CNTNAP2: variants seen among roughly 807,000 people sequenced by gnomAD.
CNTNAP2 encodes the protein contactin associated protein 2.
CNTNAP2 carries 98 observed loss-of-function variants against 155.2 expected under a neutral mutation model. The ratio of observed to expected loss-of-function variants is 0.63; its 90% CI spans 0.54 to 0.75. The LOEUF (loss-of-function observed/expected upper bound fraction) is 0.75, where lower values mean the gene tolerates loss of function less well. Ranked by LOEUF, CNTNAP2 falls within the 30% of genes least tolerant of loss-of-function variation. The probability of loss-of-function intolerance (pLI) is 0.00; values close to 1 mark genes in which losing one functional copy is unlikely to be tolerated. For missense variants in CNTNAP2, 1,727 were observed against 1,688.1 expected (o/e 1.02, Z -0.40); for synonymous variants, 651 against 631.2 (o/e 1.03, Z -0.47).
At chr7:148,032,992 C>T (rs1802508064) in intron 15 of CNTNAP2, among the ~76,000 whole-genome samples, 1 of 152,168 alleles carries the variant, frequency 6.6e-6, no homozygotes, top group African/African-American at 2.4e-5. Flanking sequence ...TCCACGCAGA[C>T]AGAGTGACTG....
At chr7:147,700,149 G>A (rs1182065205) in intron 13 of CNTNAP2, among the ~76,000 whole-genome samples, 1 of 152,132 alleles carries the variant, frequency 6.6e-6, no homozygotes, top group African/African-American at 2.4e-5. Context: ...TTTTCCCTTC[G>A]AAGGCTTTTT....
intron 10 of CNTNAP2, among the ~76,000 whole-genome samples, chr7:147,466,957 T>G (rs1798131119): frequency 6.6e-6 from 1 of 152,184 alleles, no homozygotes; most frequent in African/African-American, 2.4e-5. Context: ...ATTACACACT[T>G]CTGCCTTGGG....
At chr7:147,916,719 A>G (rs1480750844) in intron 14 of CNTNAP2, among the ~76,000 whole-genome samples, 7 of 147,958 alleles carry the variant, frequency 4.7e-5, no homozygotes, top group Admixed American at 4.6e-4. Flanking sequence ...TCAATCATGG[A>G]AAAAAAAAGA....
chr7:147,433,809 C>A (rs951319903), intron 10 of CNTNAP2, among the ~76,000 whole-genome samples: 1 of 152,082 alleles, frequency 6.6e-6, no homozygotes, highest in Admixed American at 6.5e-5. Context: ...ATATCAAAAT[C>A]GAAAAGGAAC....
chr7:146,677,676 T>C (rs1249034943), intron 1 of CNTNAP2, among the ~76,000 whole-genome samples: 3 of 136,058 alleles, frequency 2.2e-5, no homozygotes, highest in Admixed American at 1.5e-4. Flanking sequence ...AGTGAGAACA[T>C]GCTATAGTTG....
chr7:146,344,280 A>T (rs1232455077), intron 1 of CNTNAP2, among the ~76,000 whole-genome samples: 1 of 152,202 alleles, frequency 6.6e-6, no homozygotes, highest in Admixed American at 6.5e-5. Flanking sequence ...TATATTTACC[A>T]AGGTAAATTA....
Position 148,321,104 on chromosome 7 carries a change from T to C in CNTNAP2, c.3475+53978T>C, listed in dbSNP as rs891739079. Among the ~76,000 whole-genome samples the C allele has an allele frequency of 2.0e-5, 3 of 152,188 alleles. No individual in the cohort carries two copies. In the East Asian group the frequency reaches 5.8e-4, roughly 29 times the overall value. On this transcript the variant is annotated intron_variant, in intron 21 of 23. Transcript: ENST00000361727. ...CCCAAGTAGCAAGTGTGGCTATAGATGGTACACGTGAAGGAGAGTAGTGGG... is the reference window on the plus strand; with the variant it reads ...CCCAAGTAGCAAGTGTGGCTATAGACGGTACACGTGAAGGAGAGTAGTGGG...
intron 1 of CNTNAP2, among the ~76,000 whole-genome samples, chr7:146,479,253 T>C (rs559211835): frequency 9.8e-5 from 15 of 152,286 alleles, no homozygotes; most frequent in African/African-American, 3.1e-4. Flanking sequence ...ACTATTACCA[T>C]GGCAACAGAC....
chr7:146,907,129 C>T (rs1007662189), intron 3 of CNTNAP2, among the ~76,000 whole-genome samples: 24 of 151,946 alleles, frequency 1.6e-4, no homozygotes, highest in Non-Finnish European at 3.4e-4. Context: ...ATGAGCAAAG[C>T]CTCCAAGAAA....
intron 21 of CNTNAP2, among the ~76,000 whole-genome samples, chr7:148,295,590 C>T (rs1797266287): frequency 1.4e-5 from 2 of 139,204 alleles, no homozygotes; most frequent in South Asian, 2.4e-4. Flanking sequence ...CTCCCGGGTT[C>T]ACCCCATTCT....
chr7:148,233,529 C>A lies in CNTNAP2; in HGVS notation c.3381+3750C>A, dbSNP rs74397091. 3.4e-3 allele frequency among the ~76,000 whole-genome samples: 522 copies of A among 152,246 alleles called. 2 individuals carry two copies. The highest frequency in any genetic ancestry group is 6.0e-3 in the South Asian group (29 of 4,810). On this transcript the variant is annotated intron_variant, in intron 20 of 23. Coordinates refer to ENST00000361727, the MANE Select transcript of CNTNAP2 (RefSeq NM_014141.6). ...AAGCCAGTTCCTCTTGAGAATTGAA[C>A]CTTTTGTTATTATATCATTTTTATT...
chr7:147,011,826 G>C (rs1293110535), intron 3 of CNTNAP2, among the ~76,000 whole-genome samples: 1 of 152,198 alleles, frequency 6.6e-6, no homozygotes, highest in Non-Finnish European at 1.5e-5. Flanking sequence ...TTTGATGGCA[G>C]CCATTCCAGA....
chr7:147,698,865 T>C (rs1796196461), intron 13 of CNTNAP2, among the ~76,000 whole-genome samples: 1 of 151,950 alleles, frequency 6.6e-6, no homozygotes, highest in Admixed American at 6.6e-5. Flanking sequence ...TTGAATAATA[T>C]CAGAAATACT....
At chr7:147,785,968 G>C (rs1042784871) in intron 13 of CNTNAP2, among the ~76,000 whole-genome samples, 1 of 151,928 alleles carries the variant, frequency 6.6e-6, no homozygotes, top group Non-Finnish European at 1.5e-5. Flanking sequence ...CTCCACCCTT[G>C]GTGATAGAGT....
intron 18 of CNTNAP2, among the ~76,000 whole-genome samples, chr7:148,186,234 G>T (rs1795112273): frequency 6.6e-6 from 1 of 152,208 alleles, no homozygotes. Context: ...TTCCTGTTAT[G>T]CCAGGCACTG....
intron 1 of CNTNAP2, among the ~76,000 whole-genome samples, chr7:146,520,170 C>T (rs1005897268): frequency 6.6e-6 from 1 of 150,850 alleles, no homozygotes; most frequent in Non-Finnish European, 1.5e-5. Flanking sequence ...AAGATATATC[C>T]TAACTAATTA....
At chr7:147,033,546 A>G (rs1799085999) in intron 3 of CNTNAP2, among the ~76,000 whole-genome samples, 1 of 152,032 alleles carries the variant, frequency 6.6e-6, no homozygotes. Context: ...TTAACTACCA[A>G]TGGTAATAGA....
chr7:147,498,110 T>TATA lies in CNTNAP2; in HGVS notation c.1777+12069_1777+12070insATA, dbSNP rs1798743333. Among the ~76,000 whole-genome samples the TATA allele has an allele frequency of 4.0e-5, 6 of 151,620 alleles. 2 individuals carry two copies. In the South Asian group the frequency reaches 1.3e-3, roughly 32 times the overall value. On this transcript the variant is annotated intron_variant, in intron 11 of 23. Transcript: ENST00000361727. ...CAGACAGCAGTACTTGCTGCTTGGTTGTTAGTATAGGTGTCTACTCCTGTG... is the reference window on the plus strand; with the variant it reads ...CAGACAGCAGTACTTGCTGCTTGGTTATAGTTAGTATAGGTGTCTACTCCTGTG...
intron 1 of CNTNAP2, among the ~76,000 whole-genome samples, chr7:146,303,072 ATGTGTG>A (rs60828609): frequency 0.058 from 7,890 of 136,408 alleles, 527 homozygotes; most frequent in African/African-American, 0.16. Flanking sequence ...CTTTGTGTGC[ATGTGTG>A]TGTGTGTGTG....
Sources: allele counts gnomAD v4.1 joint callset (sites outside exome capture counted in the v4.1 genomes callset), GRCh38; gene constraint gnomAD v4.1.1; transcripts MANE v1.5; gene names NCBI Gene and HGNC (gene_info 2026-07-23, HGNC 2026-07-21).